The following KCNH8 variants were observed in gnomAD, a reference collection of about 807,000 sequenced individuals.
KCNH8 encodes the protein potassium voltage-gated channel subfamily H member 8.
KCNH8 carries 70 observed loss-of-function variants against 103.6 expected under a neutral mutation model. That is an observed-to-expected ratio of 0.68 (90% CI 0.56 to 0.82). KCNH8 has a LOEUF of 0.82. Ranked by LOEUF, KCNH8 falls within the 40% of genes least tolerant of loss-of-function variation. The pLI is 0.00. For missense variants in KCNH8, 1,217 were observed against 1,329.9 expected (o/e 0.92, Z 1.32); for synonymous variants, 498 against 489.4 (o/e 1.02, Z -0.23).
chr3:19,213,470 T>G (rs1481026281), intron 1 of KCNH8, among the ~76,000 whole-genome samples: 3 of 152,194 alleles, frequency 2.0e-5, no homozygotes, highest in African/African-American at 7.2e-5. Context: ...GGATGTCTAG[T>G]AGGCATTTCT....
chr3:19,208,152 A>T (rs2063735248), intron 1 of KCNH8, among the ~76,000 whole-genome samples: 1 of 152,014 alleles, frequency 6.6e-6, no homozygotes, highest in Non-Finnish European at 1.5e-5. Context: ...ATTTCCCAAG[A>T]TTCAAGCACA....
intron 3 of KCNH8, among the ~76,000 whole-genome samples, chr3:19,323,749 G>A (rs1474474795): frequency 2.0e-5 from 3 of 152,032 alleles, no homozygotes; most frequent in Non-Finnish European, 2.9e-5. Flanking sequence ...CCTGAGATCC[G>A]AACTGCAATG....
chr3:19,398,874 G>A (rs933681689), intron 7 of KCNH8, among the ~76,000 whole-genome samples: 9 of 151,954 alleles, frequency 5.9e-5, no homozygotes, highest in Non-Finnish European at 1.3e-4. Context: ...ATCATTTTAT[G>A]TACGAAAGTT....
intron 11 of KCNH8, among the ~76,000 whole-genome samples, chr3:19,503,615 CACG>C (rs1285160098): frequency 1.3e-5 from 2 of 152,078 alleles, no homozygotes; most frequent in African/African-American, 4.8e-5. Flanking sequence ...ATGATGAGTT[CACG>C]TCCTTTGTAG....
chr3:19,265,641 T>C (rs1301559092), intron 2 of KCNH8, among the ~76,000 whole-genome samples: 1 of 152,018 alleles, frequency 6.6e-6, no homozygotes, highest in African/African-American at 2.4e-5. Flanking sequence ...TCCCTTACCT[T>C]ATCAGAAAGC....
At chr3:19,315,070 T>C (rs1230215062) in intron 3 of KCNH8, 3 of 152,004 alleles carry the variant, frequency 2.0e-5, no homozygotes, top group Non-Finnish European at 4.4e-5. Flanking sequence ...TTGGACCATA[T>C]TTCTGGTCTG....
intron 2 of KCNH8, 109 bp downstream of exon 2, chr3:19,253,996 A>T (rs551891582): frequency 1.4e-6 from 1 of 712,512 alleles, no homozygotes; most frequent in African/African-American, 1.8e-5. Context: ...TTTCACATAC[A>T]TGCAGGCTGT....
chr3:19,307,801 A>T (rs1461178210), intron 3 of KCNH8, among the ~76,000 whole-genome samples: 1 of 151,982 alleles, frequency 6.6e-6, no homozygotes, highest in African/African-American at 2.4e-5. Context: ...CCAGAAATAT[A>T]AACAGTATGT....
At chr3:19,505,055 C>T (rs1018778570) in intron 11 of KCNH8, among the ~76,000 whole-genome samples, 1 of 149,374 alleles carries the variant, frequency 6.7e-6, no homozygotes, top group Non-Finnish European at 1.5e-5. Flanking sequence ...TATATATACA[C>T]ACACAATCTC....
intron 1 of KCNH8, among the ~76,000 whole-genome samples, chr3:19,165,195 A>C (rs918801870): frequency 6.6e-6 from 1 of 152,216 alleles, no homozygotes; most frequent in African/African-American, 2.4e-5. Flanking sequence ...GGGGTGGAAG[A>C]GAGAAGGGTA....
intron 7 of KCNH8, among the ~76,000 whole-genome samples, chr3:19,401,781 G>T (rs752349855): frequency 6.6e-6 from 1 of 151,734 alleles, no homozygotes; most frequent in African/African-American, 2.4e-5. Flanking sequence ...GTCTGATCTC[G>T]TATTTAAAGA....
At chr3:19,503,681 A>G (rs1575152008) in intron 11 of KCNH8, among the ~76,000 whole-genome samples, 2 of 151,956 alleles carry the variant, frequency 1.3e-5, no homozygotes, top group Admixed American at 1.3e-4. Context: ...CTCAAGAACA[A>G]AAAACCAAAC....
intron 5 of KCNH8, among the ~76,000 whole-genome samples, chr3:19,375,560 C>T (rs372045092): frequency 7.3e-5 from 11 of 150,116 alleles, no homozygotes; most frequent in African/African-American, 1.5e-4. Flanking sequence ...AATGTCCTCC[C>T]GTAGCTCAGA....
intron 11 of KCNH8, among the ~76,000 whole-genome samples, chr3:19,500,215 G>C (rs374916410): frequency 2.0e-5 from 3 of 152,106 alleles, no homozygotes; most frequent in South Asian, 4.2e-4. Flanking sequence ...ATGGTAAAGG[G>C]ATCAATTCAA....
intron 5 of KCNH8, among the ~76,000 whole-genome samples, chr3:19,389,041 A>G (rs2066397142): frequency 6.6e-6 from 1 of 152,204 alleles, no homozygotes; most frequent in South Asian, 2.1e-4. Flanking sequence ...TGTGTTATCT[A>G]CAATAATACT....
Position 19,268,252 on chromosome 3 carries a change from A to T in KCNH8, c.311-12946A>T, listed in dbSNP as rs187784055. Among the ~76,000 whole-genome samples, 3 of 152,210 alleles carry T rather than the reference A, an allele frequency of 2.0e-5. No individual in the cohort carries two copies. In the East Asian group the frequency reaches 5.8e-4, roughly 30 times the overall value. On this transcript the variant is annotated intron_variant, in intron 2 of 15. Coordinates refer to ENST00000328405, the MANE Select transcript of KCNH8 (RefSeq NM_144633.3). ...GCAGGCTCCTATGGTAGAGAATAAC[A>T]GGGGGATCTGACCAAATATGGAGTT...
intron 10 of KCNH8, 64 bp downstream of exon 10, chr3:19,451,468 TGGG>T: frequency 6.7e-7 from 1 of 1,501,692 alleles, no homozygotes; most frequent in South Asian, 1.2e-5. Flanking sequence ...GAAGATGAAA[TGGG>T]GGAAAAAACT....
chr3:19,239,369 A>G (rs1003523958), intron 1 of KCNH8, among the ~76,000 whole-genome samples: 5 of 152,158 alleles, frequency 3.3e-5, no homozygotes, highest in Admixed American at 2.6e-4. Context: ...AGAAGAGCAT[A>G]ATGGCCCGGA....
intron 2 of KCNH8, among the ~76,000 whole-genome samples, chr3:19,264,006 C>T (rs2064471557): frequency 6.6e-6 from 1 of 152,050 alleles, no homozygotes; most frequent in Non-Finnish European, 1.5e-5. Context: ...CAGTTGCTTT[C>T]TCCAGCTTGA....
Sources: allele counts gnomAD v4.1 joint callset (sites outside exome capture counted in the v4.1 genomes callset), GRCh38; gene constraint gnomAD v4.1.1; transcripts MANE v1.5; gene names NCBI Gene and HGNC (gene_info 2026-07-23, HGNC 2026-07-21).